Variants in ELMO1 observed in about 807,000 individuals in gnomAD.
ELMO1 encodes the protein engulfment and cell motility 1.
A neutral mutation model predicts 98.9 loss-of-function variants in ELMO1; 26 were observed. That is an observed-to-expected ratio of 0.26 (90% CI 0.19 to 0.36). The LOEUF is 0.36. ELMO1 is among the 10% of genes least tolerant of loss of function. The pLI, the probability that ELMO1 is intolerant of heterozygous loss-of-function variation, is 1.00. For synonymous variants in ELMO1, 346 were observed against 346.0 expected (o/e 1.00, Z 0.00); for missense variants, 627 against 935.2 (o/e 0.67, Z 4.30).
chr7:36,930,076 A>C (rs1785914094), intron 16 of ELMO1, among the ~76,000 whole-genome samples: 2 of 152,172 alleles, frequency 1.3e-5, no homozygotes, highest in Admixed American at 1.3e-4. Flanking sequence ...GAGTTGGGAA[A>C]CACATCCAGT....
At chr7:37,204,569 T>C (rs566232794) in intron 13 of ELMO1, among the ~76,000 whole-genome samples, 1 of 152,344 alleles carries the variant, frequency 6.6e-6, no homozygotes, top group African/African-American at 2.4e-5. Flanking sequence ...TTCCACAGCA[T>C]GGAAGGCGAC....
chr7:37,369,167 CAT>C (rs1802016711), intron 1 of ELMO1, among the ~76,000 whole-genome samples: 1 of 152,146 alleles, frequency 6.6e-6, no homozygotes, highest in Non-Finnish European at 1.5e-5. Context: ...GACTTTCACT[CAT>C]ATGGAAGCTT....
chr7:37,338,463 T>G (rs1381645769), intron 2 of ELMO1, among the ~76,000 whole-genome samples: 1 of 152,216 alleles, frequency 6.6e-6, no homozygotes, highest in Non-Finnish European at 1.5e-5. Flanking sequence ...GCCTTGATCT[T>G]GGACTTCCCA....
rs535610264 is a variant in ELMO1, at chr7:37,445,648, T to C, written c.-74+3027A>G. Among the ~76,000 whole-genome samples the C allele has an allele frequency of 2.0e-5, 3 of 147,822 alleles. No homozygotes were observed. In the East Asian group the frequency reaches 6.2e-4, roughly 30 times the overall value. On this transcript the variant is annotated intron_variant, in intron 1 of 21. Coordinates refer to ENST00000310758, the MANE Select transcript of ELMO1 (RefSeq NM_014800.11). ...CTCAAGAGTTAGCTTCTTTTCAATA[T>C]AGTAATTTAGTAAATGTTCAAGACT...
At chr7:37,417,572 G>A (rs1020605626) in intron 1 of ELMO1, among the ~76,000 whole-genome samples, 1 of 152,080 alleles carries the variant, frequency 6.6e-6, no homozygotes, top group African/African-American at 2.4e-5. Flanking sequence ...GCTGAGGCAG[G>A]AGAATGGCAT....
At chr7:37,244,908 C>G (rs1345357780) in intron 6 of ELMO1, among the ~76,000 whole-genome samples, 1 of 152,060 alleles carries the variant, frequency 6.6e-6, no homozygotes, top group African/African-American at 2.4e-5. Context: ...TGTTAAATCC[C>G]AAAACTGAAC....
At chr7:37,223,646 AAATT>A (rs1474449442) in intron 9 of ELMO1, among the ~76,000 whole-genome samples, 2 of 152,234 alleles carry the variant, frequency 1.3e-5, no homozygotes, top group African/African-American at 4.8e-5. Flanking sequence ...CACAGTATAT[AAATT>A]AATACAGTTC....
intron 11 of ELMO1, among the ~76,000 whole-genome samples, chr7:37,215,264 G>A (rs1793215135): frequency 6.6e-6 from 1 of 152,126 alleles, no homozygotes; most frequent in African/African-American, 2.4e-5. Context: ...ACAAATTGCT[G>A]GCATTACCAC....
intron 4 of ELMO1, among the ~76,000 whole-genome samples, chr7:37,310,434 GAA>G (rs35254818): frequency 0.056 from 8,545 of 152,232 alleles, 328 homozygotes; most frequent in Middle Eastern, 0.1. Context: ...TGTCTAAAAA[GAA>G]TGGTATTCGT....
chr7:37,233,717 T>A (rs532074315), intron 7 of ELMO1, among the ~76,000 whole-genome samples: 1 of 135,374 alleles, frequency 7.4e-6, no homozygotes, highest in East Asian at 2.1e-4. Flanking sequence ...ATTAAGAGAA[T>A]TAGTACTTTT....
chr7:37,383,111 A>G (rs890359944), intron 1 of ELMO1, among the ~76,000 whole-genome samples: 3 of 152,240 alleles, frequency 2.0e-5, no homozygotes, highest in East Asian at 1.9e-4. Context: ...ACACTATTAT[A>G]TAATCTACAG....
chr7:37,159,526 C>T (rs1399392297), intron 13 of ELMO1, among the ~76,000 whole-genome samples: 1 of 152,092 alleles, frequency 6.6e-6, no homozygotes, highest in Non-Finnish European at 1.5e-5. Context: ...CATGGCAAAA[C>T]TCCGTCTCTA....
chr7:37,059,858 A>T (rs1584581065), intron 15 of ELMO1, among the ~76,000 whole-genome samples: 1 of 152,236 alleles, frequency 6.6e-6, no homozygotes, highest in East Asian at 1.9e-4. Context: ...AGCGAAAGGG[A>T]TGATAAATAA....
In ELMO1 at chr7:36,868,349, T is replaced by TTCTTC. The variant is rs1491437097; in HGVS notation, c.1905+2043_1905+2044insGAAGA. Among the ~76,000 whole-genome samples the TTCTTC allele has an allele frequency of 9.8e-3, 235 of 24,062 alleles. 1 individual carries two copies. The highest frequency in any genetic ancestry group is 0.022 in the African/African-American group (228 of 10,258). 15.8% of individuals were successfully genotyped at this position (24,062 alleles called of 152,430 possible). A position where few individuals can be genotyped will look rare whatever the true frequency, so the allele number is the denominator to read the frequency against. ...CTGCTTCTTCTTCTTCTTCTTCTTCTTTTTTTTTTTTTTGAGACAGAGTTT... is the reference window on the plus strand; with the variant it reads ...CTGCTTCTTCTTCTTCTTCTTCTTCTTCTTCTTTTTTTTTTTTTGAGACAGAGTTT... On this transcript the variant is annotated intron_variant, in intron 20 of 21. Coordinates refer to ENST00000310758, the MANE Select transcript of ELMO1 (RefSeq NM_014800.11).
intron 5 of ELMO1, among the ~76,000 whole-genome samples, chr7:37,268,221 T>A (rs2130838087): frequency 6.6e-6 from 1 of 152,316 alleles, no homozygotes; most frequent in South Asian, 2.1e-4. Context: ...AAGACACTAC[T>A]CAGCTCTGCA....
At chr7:37,079,005 T>C (rs149285549) in intron 15 of ELMO1, among the ~76,000 whole-genome samples, 14 of 152,340 alleles carry the variant, frequency 9.2e-5, no homozygotes, top group African/African-American at 2.4e-4. Flanking sequence ...TTTTTTAGCA[T>C]TGAGCATATA....
rs949567001 is a variant in ELMO1, at chr7:36,894,765, A to G, written c.1601+89T>C. 23 of 1,554,762 alleles carry G rather than the reference A, an allele frequency of 1.5e-5. No homozygotes were observed. The Admixed American group carries it at 2.2e-4, about 15-fold the overall frequency. On this transcript the variant is annotated intron_variant, in intron 17 of 21. Coordinates refer to ENST00000310758, the MANE Select transcript of ELMO1 (RefSeq NM_014800.11). ...TGCTGGCCTTCCCTGAGGAGCTCAC[A>G]ACACAGCCCAGCTTCATGACAGGCG...
At chr7:37,042,732 C>T (rs752866004) in intron 15 of ELMO1, among the ~76,000 whole-genome samples, 6 of 152,210 alleles carry the variant, frequency 3.9e-5, no homozygotes, top group Non-Finnish European at 7.3e-5. Context: ...AAAGCCTTTA[C>T]ACTGGCTGTT....
At chr7:37,327,968 TA>T (rs1372184644) in intron 2 of ELMO1, among the ~76,000 whole-genome samples, 4 of 152,226 alleles carry the variant, frequency 2.6e-5, no homozygotes, top group Non-Finnish European at 2.9e-5. Flanking sequence ...CCAGCCTTTC[TA>T]ATTATGATAC....
Sources: gnomAD v4.1 joint callset for allele counts (sites outside exome capture counted in the v4.1 genomes callset) on GRCh38, gnomAD v4.1.1 for gene constraint, MANE v1.5 for transcripts, NCBI Gene and HGNC (gene_info 2026-07-23, HGNC 2026-07-21) for gene names.